MORC2: variants seen among roughly 807,000 people sequenced by gnomAD.
MORC2 encodes the protein ATPase MORC2.
In MORC2, 30 loss-of-function variants were observed where a neutral mutation model predicts 136.0. The ratio of observed to expected loss-of-function variants is 0.22; its 90% CI spans 0.17 to 0.30. The LOEUF (loss-of-function observed/expected upper bound fraction) is 0.30. Among genes scored for constraint, MORC2 ranks in the 10% least tolerant of loss-of-function variants. The pLI is 1.00. For missense variants in MORC2, 922 were observed against 1,333.1 expected, an observed-to-expected ratio of 0.69 and a Z score of 4.80; for synonymous variants, 439 against 487.0, an observed-to-expected ratio of 0.90 and a Z score of 1.30.
At chr22:30,964,558 T>A (rs186473645) in intron 1 of MORC2, among the ~76,000 whole-genome samples, 57 of 152,170 alleles carry the variant, frequency 3.7e-4, no homozygotes, top group Non-Finnish European at 6.8e-4. Context: ...CACCACTACA[T>A]CTGAAGTAGA....
chr22:30,929,748 G>A (rs915275710), intron 24 of MORC2: 12 of 152,050 alleles, frequency 7.9e-5, no homozygotes, highest in African/African-American at 2.2e-4. Flanking sequence ...GCAACAGAAC[G>A]AGACTCTGTC....
intron 6 of MORC2, among the ~76,000 whole-genome samples, chr22:30,944,246 C>A (rs1235116243): frequency 6.6e-6 from 1 of 152,208 alleles, no homozygotes; most frequent in Non-Finnish European, 1.5e-5. Context: ...CTCTCCACCA[C>A]GGGAACCGAG....
rs772045822 is a variant in MORC2, at chr22:30,941,384, A to G, written c.824+49T>C. ...AACAATGCCCCAGAGAAACGCGGCC[A>G]CATCCTCGACCCATGGGAGACAGCA... On this transcript the variant is annotated intron_variant, in intron 9 of 25. Transcript: ENST00000397641. This position sits in a 1 kb window ranked among gnomAD's most constrained non-coding sequence, Gnocchi z 4.6. 2 of 1,597,954 alleles carry G rather than the reference A, an allele frequency of 1.3e-6. No homozygotes were observed. The highest frequency in any genetic ancestry group is 3.4e-5 in the Admixed American group (2 of 58,704).
intron 2 of MORC2, 83 bp from the exon 3 acceptor site, chr22:30,956,880 G>C: frequency 3.7e-6 from 4 of 1,094,962 alleles, no homozygotes; most frequent in Non-Finnish European, 5.3e-6. Flanking sequence ...GTAGAATGCA[G>C]AGTATTTTGA....
chr22:30,929,323 GA>G (rs2040538178), intron 24 of MORC2, among the ~76,000 whole-genome samples: 1 of 151,854 alleles, frequency 6.6e-6, no homozygotes, highest in South Asian at 2.1e-4. Context: ...TAGTTTTTTT[GA>G]AAAAATGATA....
At position 30,933,036 on chromosome 22, in the gene MORC2, A is replaced by G. The variant is rs1204580317; in HGVS notation, c.2381-6T>C. 6.2e-7 allele frequency: 1 copy of G among 1,613,666 alleles called. No homozygotes were observed. Among genetic ancestry groups the G allele is most frequent in the Non-Finnish European group, 8.5e-7 (1 of 1,179,964 alleles). ...CTCCACGTGCAGCCCTTTATCTGAC[A>G]ATGTAGACAGAGGTGCGAGTCAGAA... On this transcript the variant is annotated splice_polypyrimidine_tract_variant and splice_region_variant and intron_variant, in intron 21 of 25. Coordinates refer to ENST00000397641, the MANE Select transcript of MORC2 (RefSeq NM_001303256.3).
rs748997786 is a variant in MORC2, at chr22:30,933,532, G to A, written c.2326-12C>T. 3 of 1,613,334 alleles carry A rather than the reference G, an allele frequency of 1.9e-6. No individual in the cohort carries two copies. Among genetic ancestry groups the A allele is most frequent in the Admixed American group, 1.7e-5 (1 of 59,988 alleles). On this transcript the variant is annotated splice_polypyrimidine_tract_variant and intron_variant, in intron 20 of 25. Coordinates refer to ENST00000397641, the MANE Select transcript of MORC2 (RefSeq NM_001303256.3). ...GCACTGTCTGAGAGCTGCGTGGAGA[G>A]CAGTCTATTAGAGGCATCCCCAGTG... is the stretch of plus-strand genomic sequence containing the variant.
chr22:30,945,372 C>A (rs767776274), intron 6 of MORC2, among the ~76,000 whole-genome samples: 9 of 152,226 alleles, frequency 5.9e-5, no homozygotes, highest in Non-Finnish European at 1.3e-4. Context: ...GATTAAGGCT[C>A]AGATCTAAAC....
chr22:30,967,398 C>T, intron 1 of MORC2: 1 of 987,346 alleles, frequency 1.0e-6, no homozygotes, highest in Non-Finnish European at 1.2e-6. Context: ...ATTTAAATGT[C>T]TTCTGTTTTC....
Position 30,934,225 on chromosome 22 carries a change from C to T in MORC2, c.2194-34G>A. On this transcript the variant is annotated intron_variant, in intron 19 of 25. Transcript: ENST00000397641. This position sits in a 1 kb window ranked among gnomAD's most constrained non-coding sequence, Gnocchi z 4.4. Reference sequence around the variant, plus strand: ...AGAGGAGCGTGAGGATGTGAGGGGCCCTGTTCAGCCTCTAAGGAGCAGGAA... The same window carrying T: ...AGAGGAGCGTGAGGATGTGAGGGGCTCTGTTCAGCCTCTAAGGAGCAGGAA... The T allele has an allele frequency of 6.2e-7, 1 of 1,613,546 alleles. No individual in the cohort carries two copies. Among genetic ancestry groups the T allele is most frequent in the Non-Finnish European group, 8.5e-7 (1 of 1,179,742 alleles).
In MORC2 at chr22:30,926,694, G is replaced by A. The variant is rs546844810; in HGVS notation, c.*109C>T. The stretch of plus-strand genomic sequence containing the variant: ...TTTCCTCCAAAAACACAAATGTCCC[G>A]TGTAAGTCAAACCAAGGTGCGACCA... On this transcript the variant is annotated 3_prime_UTR_variant, in exon 26 of 26. Coordinates refer to ENST00000397641, the MANE Select transcript of MORC2 (RefSeq NM_001303256.3). 313 of 691,908 alleles carry A rather than the reference G, an allele frequency of 4.5e-4. 2 individuals are homozygous for A. The highest frequency in any genetic ancestry group is 3.7e-3 in the South Asian group (190 of 51,270). The allele number at this position is 691,908 out of a possible 1,614,324, so 42.9% of individuals were successfully genotyped here. A position where few individuals can be genotyped will look rare whatever the true frequency, so the allele number is the denominator to read the frequency against.
chr22:30,959,403 C>A (rs571447412), intron 1 of MORC2, among the ~76,000 whole-genome samples: 2 of 152,318 alleles, frequency 1.3e-5, no homozygotes, highest in African/African-American at 4.8e-5. Context: ...CTGAGAAAGT[C>A]ATAAAATGAG....
At chr22:30,940,993 T>G (rs1478094563) in intron 9 of MORC2, among the ~76,000 whole-genome samples, 156 bp from the exon 10 acceptor site, 1 of 152,050 alleles carries the variant, frequency 6.6e-6, no homozygotes, top group Admixed American at 6.5e-5. Flanking sequence ...AGCAAAAAGG[T>G]GCAGTTCCTT....
chr22:30,961,719 T>C (rs1414060586), intron 1 of MORC2, among the ~76,000 whole-genome samples: 2 of 152,158 alleles, frequency 1.3e-5, no homozygotes, highest in Non-Finnish European at 2.9e-5. Flanking sequence ...GTGAGAATGG[T>C]CAATCTGAAT....
At chr22:30,963,388 C>CT (rs34402075) in intron 1 of MORC2, 79,994 of 687,666 alleles carry the variant, frequency 0.12, 3,837 homozygotes, top group African/African-American at 0.4. Context: ...CTGATTATGG[C>CT]TTTTTTTTTT....
Position 30,955,329 on chromosome 22 carries a change from C to T in MORC2, c.157+1434G>A, listed in dbSNP as rs1030683827. On this transcript the variant is annotated intron_variant, in intron 3 of 25. Coordinates refer to ENST00000397641, the MANE Select transcript of MORC2 (RefSeq NM_001303256.3). ...TGCCCCTATTTCCTGTTACTTTCTTCTAGAGAGAAAAGAAGCCTTATTTTT... is the reference window on the plus strand; with the variant it reads ...TGCCCCTATTTCCTGTTACTTTCTTTTAGAGAGAAAAGAAGCCTTATTTTT... Among the ~76,000 whole-genome samples, 4 of 152,086 alleles carry T rather than the reference C, an allele frequency of 2.6e-5. No homozygotes were observed. In the East Asian group the frequency reaches 5.8e-4, roughly 22 times the overall value.
chr22:30,947,547 A>G (rs1408022868), intron 5 of MORC2, among the ~76,000 whole-genome samples: 1 of 152,196 alleles, frequency 6.6e-6, no homozygotes, highest in South Asian at 2.1e-4. Flanking sequence ...CATGCCAAGC[A>G]CACAAATGAA....
chr22:30,955,992 G>A (rs2040962031), intron 3 of MORC2, among the ~76,000 whole-genome samples: 1 of 126,974 alleles, frequency 7.9e-6, no homozygotes, highest in South Asian at 2.7e-4. Context: ...GGGTGACAAG[G>A]TAAGACTCCA....
chr22:30,934,657 G>A lies in MORC2; in HGVS notation c.2193+124C>T. 7.4e-7 allele frequency: 1 copy of A among 1,357,908 alleles called. No individual in the cohort carries two copies. The highest frequency in any genetic ancestry group is 1.0e-6 in the Non-Finnish European group (1 of 995,298). The allele number at this position is 1,357,908 out of a possible 1,614,324, so 84.1% of individuals were successfully genotyped here. A position where few individuals can be genotyped will look rare whatever the true frequency, so the allele number is the denominator to read the frequency against. On this transcript the variant is annotated intron_variant, in intron 19 of 25. Transcript: ENST00000397641. The surrounding 1 kb of genome is among the most constrained non-coding windows in gnomAD (Gnocchi z 4.4). ...CTATCAAGGCTTCCCGTCCTCAGGG[G>A]CAGCAGCAAAGCTTTAGATTCAGTA...
Sources: allele counts gnomAD v4.1 joint callset (sites outside exome capture counted in the v4.1 genomes callset), GRCh38; gene constraint gnomAD v4.1.1; non-coding constraint Gnocchi (gnomAD v3.1); transcripts MANE v1.5; gene names NCBI Gene and HGNC (gene_info 2026-07-23, HGNC 2026-07-21).